Variants in GPR179 observed in about 807,000 individuals in gnomAD.
The protein encoded by GPR179 is G protein-coupled receptor 179.
In GPR179, 52 loss-of-function variants were observed where a neutral mutation model predicts 70.8. The ratio of observed to expected loss-of-function variants is 0.73; its 90% CI spans 0.59 to 0.93. GPR179 has a LOEUF of 0.93. Ranked by LOEUF, GPR179 falls within the 40% of genes least tolerant of loss-of-function variation. The pLI, the probability that GPR179 is intolerant of heterozygous loss-of-function variation, is 0.00. For synonymous variants in GPR179, 1,123 were observed against 1,169.0 expected, an observed-to-expected ratio of 0.96 and a Z score of 0.80; for missense variants, 2,734 against 2,966.8, an observed-to-expected ratio of 0.92 and a Z score of 1.82.
Position 38,329,582 on chromosome 17 carries a change from T to G in GPR179, c.3987A>C (p.Gly1329=), listed in dbSNP as rs759431096. The change falls in exon 11 of 11, where the codon GGA becomes GGC. Residue 1329 remains glycine (G), a synonymous_variant. Transcript: ENST00000616987. The part of the protein sequence containing the change: ...AVCPWESADR[G]GLSPGSAPQD... Reference sequence around the variant, plus strand: ...GAGGAGCTGACCCAGGGGACAGACCTCCTCGATCGGCACTCTCCCAGGGAC... The same window carrying G: ...GAGGAGCTGACCCAGGGGACAGACCGCCTCGATCGGCACTCTCCCAGGGAC... The G allele has an allele frequency of 3.7e-6, 6 of 1,613,668 alleles. No homozygotes were observed. In the African/African-American group the frequency reaches 8.0e-5, roughly 22 times the overall value.
rs776932584 is a variant in GPR179, at chr17:38,331,236, C to T, written c.2333G>A (p.Arg778His). The T allele has an allele frequency of 1.9e-5, 30 of 1,588,230 alleles. No individual in the cohort carries two copies. Among genetic ancestry groups the T allele is most frequent in the East Asian group, 2.3e-5 (1 of 44,012 alleles). ...LHKSRSTYDQRREQDPPLLDS... is the reference protein window; with the variant it reads ...LHKSRSTYDQHREQDPPLLDS... ...AAGAAGAGGCGGGTCCTGCTCCCTG[C>T]GCTGGTCATAGGTGCTGCGGGACTT... is the stretch of plus-strand genomic sequence containing the variant. Residue 778 changes from arginine to histidine, a missense_variant, in exon 11 of 11, where the codon CGC (arginine) becomes CAC (histidine). By Grantham distance (29) the Arg-to-His change is conservative. Coordinates refer to ENST00000616987, the MANE Select transcript of GPR179 (RefSeq NM_001004334.4).
Position 38,333,874 on chromosome 17 carries a change from A to G in GPR179, c.1890+59T>C, listed in dbSNP as rs541529597. ...GAGGGCGCTGCGGGACAACCGCTCC[A>G]CAGTGGCCCTGACAGAGGGGCTGGG... On this transcript the variant is annotated intron_variant, in intron 9 of 10. Coordinates refer to ENST00000616987, the MANE Select transcript of GPR179 (RefSeq NM_001004334.4). 1.3e-5 allele frequency: 17 copies of G among 1,334,604 alleles called. No homozygotes were observed. In the South Asian group the frequency reaches 2.0e-4, roughly 15 times the overall value. The allele number at this position is 1,334,604 out of a possible 1,614,324, so 82.7% of individuals were successfully genotyped here.
chr17:38,336,909 T>C, intron 4 of GPR179, 69 bp downstream of exon 4: 3 of 1,468,594 alleles, frequency 2.0e-6, no homozygotes, highest in South Asian at 1.3e-5. Flanking sequence ...AATTCTGGTC[T>C]TAGGTAGTCT....
rs770213472 is a variant in GPR179 at position 38,330,418 on chromosome 17, C to T, written c.3151G>A (p.Asp1051Asn). Residue 1051 changes from aspartate (D) to asparagine (N), a missense_variant, in exon 11 of 11, where the codon GAT becomes AAT. Transcript: ENST00000616987. ...TTAGCTTCCCTCTGGTGATGTGCAT[C>T]CTCTGCGTCCATCTCATTCTCCCCA... Reference protein sequence around the residue: ...RAGENEMDAEDAHHQREANDV... With the variant: ...RAGENEMDAENAHHQREANDV... 6.9e-6 allele frequency: 11 copies of T among 1,600,562 alleles called. No homozygotes were observed. Among genetic ancestry groups the T allele is most frequent in the Non-Finnish European group, 9.4e-6 (11 of 1,172,038 alleles).
rs754806815 is a variant in GPR179 at position 38,328,181 on chromosome 17, G to A, written c.5388C>T (p.Cys1796=). Residue 1796 remains cysteine, a synonymous_variant, in exon 11 of 11, where the codon TGC becomes TGT. Coordinates refer to ENST00000616987, the MANE Select transcript of GPR179 (RefSeq NM_001004334.4). ...AGFQELDHMG[C]RPGEVCPWEA... ...CCCAGGGACACACTTCACCTGGCCT[G>A]CAGCCCATATGATCCAGTTCCTGGA... The A allele has an allele frequency of 9.9e-6, 16 of 1,613,108 alleles. No homozygotes were observed. In the South Asian group the frequency reaches 1.8e-4, roughly 18 times the overall value.
In GPR179 at chr17:38,334,587, A is replaced by G. The variant is rs1369653946; in HGVS notation, c.1784+117T>C. The G allele has an allele frequency of 6.2e-6, 7 of 1,128,624 alleles. No homozygotes were observed. The East Asian group carries it at 1.5e-4, about 24-fold the overall frequency. 69.9% of individuals were successfully genotyped at this position (1,128,624 alleles called of 1,614,324 possible). A position where few individuals can be genotyped will look rare whatever the true frequency, so the allele number is the denominator to read the frequency against. On this transcript the variant is annotated intron_variant, in intron 8 of 10. Transcript: ENST00000616987. This position sits in a 1 kb window ranked among gnomAD's most constrained non-coding sequence, Gnocchi z 4.7. ...GAGCCAGAAGTGGGGGCCTTCGTCA[A>G]CGTGCTGAGGCGTAGCAGTGTTGCC...
rs1334652563 is a variant in GPR179, at chr17:38,326,546, A to C, written c.7023T>G (p.Thr2341=). Residue 2341 remains threonine, a synonymous_variant, in exon 11 of 11, where the codon ACT becomes ACG. Coordinates refer to ENST00000616987, the MANE Select transcript of GPR179 (RefSeq NM_001004334.4). ...QEAESQSSSL[T]EDSGQVAFEA... ...CAAAAGCCACTTGGCCTGAGTCTTC[A>C]GTTAAGGACGAAGACTGAGACTCAG... is the stretch of plus-strand genomic sequence containing the variant. The C allele has an allele frequency of 6.2e-7, 1 of 1,614,118 alleles. No individual in the cohort carries two copies. The highest frequency in any genetic ancestry group is 1.7e-5 in the Admixed American group (1 of 60,030).
rs574113815 is a variant in GPR179 at position 38,328,789 on chromosome 17, G to C, written c.4780C>G (p.Pro1594Ala). 1.9e-6 allele frequency: 3 copies of C among 1,614,178 alleles called. No individual in the cohort carries two copies. The highest frequency in any genetic ancestry group is 2.2e-5 in the South Asian group (2 of 91,082). The part of the protein sequence containing the change: ...EATPAKTEIC[P>A]WEVNERTREE... ...CTTGTTCTTTCATTTACCTCCCAGG[G>C]ACAGATTTCTGTTTTGGCAGGTGTT... The change falls in exon 11 of 11, where the codon CCC becomes GCC. Residue 1594 changes from proline to alanine, a missense_variant. Pro to Ala is a conservative substitution (Grantham distance 27). Transcript: ENST00000616987.
Position 38,328,894 on chromosome 17 carries a change from T to C in GPR179, c.4675A>G (p.Ser1559Gly). The C allele has an allele frequency of 1.2e-6, 2 of 1,614,072 alleles. No homozygotes were observed. The highest frequency in any genetic ancestry group is 1.7e-6 in the Non-Finnish European group (2 of 1,180,020). ...CLDNSSSKAG[S>G]QFLCNGGSRA... is the part of the protein sequence containing the mutation. ...CTTCCTCCATTGCATAGGAATTGGC[T>C]ACCAGCTTTGGATGAGGAATTGTCT... Residue 1559 changes from serine to glycine, a missense_variant, in exon 11 of 11, where the codon AGC (serine) becomes GGC (glycine). Coordinates refer to ENST00000616987, the MANE Select transcript of GPR179 (RefSeq NM_001004334.4).
rs1407009116 is a variant in GPR179, at chr17:38,330,474, G to A, written c.3095C>T (p.Ala1032Val). The A allele has an allele frequency of 6.4e-7, 1 of 1,556,440 alleles. No homozygotes were observed. The highest frequency in any genetic ancestry group is 1.4e-5 in the African/African-American group (1 of 73,466). The stretch of plus-strand genomic sequence containing the variant: ...GCTTTTCTCTACTGCAACAGAGAGG[G>A]CCCTCCAGAGCCTGGCTCGAGCTGG... ...PAPARARLWR[A>V]LSVAVEKSRA... Residue 1032 changes from alanine to valine, a missense_variant, in exon 11 of 11, where the codon GCC becomes GTC. Physicochemically the swap from Ala to Val is moderately conservative, Grantham distance 64. Coordinates refer to ENST00000616987, the MANE Select transcript of GPR179 (RefSeq NM_001004334.4).
At position 38,335,585 on chromosome 17, in the gene GPR179, C is replaced by T. The variant is rs753932078; in HGVS notation, c.1406+6G>A. The T allele has an allele frequency of 6.3e-7, 1 of 1,598,038 alleles. No homozygotes were observed. The highest frequency in any genetic ancestry group is 8.6e-7 in the Non-Finnish European group (1 of 1,165,442). ...GCATGAGAGCAAAGTCTGCCCCAGG[C>T]CGTACCTGTAAAGCTTGAGTATGAT... On this transcript the variant is annotated splice_donor_region_variant and intron_variant, in intron 6 of 10. Transcript: ENST00000616987.
chr17:38,343,330 G>T lies in GPR179; in HGVS notation c.460C>A (p.Pro154Thr). ...VYRALLTFNP[P>T]PGASHLQLAL... The stretch of plus-strand genomic sequence containing the variant: ...AGCTGTAGGTGGCTGGCCCCTGGTG[G>T]AGGGTTAAAGGTCAGCAAAGCCCTG... The change falls in exon 1 of 11, where the codon CCA becomes ACA. Residue 154 changes from proline to threonine, a missense_variant. Transcript: ENST00000616987. This position sits in a 1 kb window ranked among gnomAD's most constrained non-coding sequence, Gnocchi z 4.2. The T allele has an allele frequency of 6.2e-7, 1 of 1,614,160 alleles. No individual in the cohort carries two copies. Among genetic ancestry groups the T allele is most frequent in the Non-Finnish European group, 8.5e-7 (1 of 1,180,010 alleles).
Position 38,343,729 on chromosome 17 carries a change from C to A in GPR179, c.61G>T (p.Val21Phe), listed in dbSNP as rs150616884. Residue 21 changes from valine (V) to phenylalanine (F), a missense_variant, in exon 1 of 11, where the codon GTC (valine) becomes TTC (phenylalanine). Coordinates refer to ENST00000616987, the MANE Select transcript of GPR179 (RefSeq NM_001004334.4). This position sits in a 1 kb window ranked among gnomAD's most constrained non-coding sequence, Gnocchi z 4.2. Reference sequence around the variant, plus strand: ...GGACCCCCCAGAGCCCAGGCACAGACAAAACAGCAGCCCAGCAGCCCCCAC... The same window carrying A: ...GGACCCCCCAGAGCCCAGGCACAGAAAAAACAGCAGCCCAGCAGCCCCCAC... ...PMWGLLGCCF[V>F]CAWALGGPRP... 2 of 1,563,988 alleles carry A rather than the reference C, an allele frequency of 1.3e-6. No individual in the cohort carries two copies. Among genetic ancestry groups the A allele is most frequent in the Non-Finnish European group, 1.7e-6 (2 of 1,154,002 alleles).
In GPR179 at chr17:38,327,449, G is replaced by A; in HGVS notation, c.6120C>T (p.Asp2040=). The A allele has an allele frequency of 6.2e-7, 1 of 1,614,172 alleles. No individual in the cohort carries two copies. The highest frequency in any genetic ancestry group is 8.5e-7 in the Non-Finnish European group (1 of 1,180,000). The part of the protein sequence containing the change: ...KGVSRQDGKG[D]SQEEKGRAPE... ...GGGCTCTGCCTTTCTCTTCTTGAGA[G>A]TCCCCTTTTCCATCCTGCCTTGACA... The change falls in exon 11 of 11, where the codon GAC becomes GAT. Residue 2040 remains aspartate, a synonymous_variant. Coordinates refer to ENST00000616987, the MANE Select transcript of GPR179 (RefSeq NM_001004334.4).
rs111598392 is a variant in GPR179, at chr17:38,341,358, C to T, written c.794+1638G>A. Among the ~76,000 whole-genome samples the T allele has an allele frequency of 3.3e-3, 502 of 152,318 alleles. 2 individuals carry two copies. Among genetic ancestry groups the T allele is most frequent in the African/African-American group, 0.011 (461 of 41,582 alleles). On this transcript the variant is annotated intron_variant, in intron 1 of 10. Coordinates refer to ENST00000616987, the MANE Select transcript of GPR179 (RefSeq NM_001004334.4). The stretch of plus-strand genomic sequence containing the variant: ...TCACACTTCCTCATGCATGTACACA[C>T]GCACACACACAGAGATCAGCTCAGC...
In GPR179 at chr17:38,342,960, C is replaced by T. The variant is rs1472344571; in HGVS notation, c.794+36G>A. ...ACCTGTACTTCCTTCCCCTACATCC[C>T]CACACATGCATCAAATCCTGCACAA... is the stretch of plus-strand genomic sequence containing the variant. On this transcript the variant is annotated intron_variant, in intron 1 of 10. Coordinates refer to ENST00000616987, the MANE Select transcript of GPR179 (RefSeq NM_001004334.4). 1.9e-6 allele frequency: 3 copies of T among 1,549,964 alleles called. No homozygotes were observed. The East Asian group carries it at 6.8e-5, about 35-fold the overall frequency.
chr17:38,334,255 T>G lies in GPR179; in HGVS notation c.1785-217A>C, dbSNP rs1419628533. ...CCCAGAATACTCCAGCTCACTTTCT[T>G]TGGCTGTGTATAGCACAGACCTGTG... On this transcript the variant is annotated intron_variant, in intron 8 of 10. Coordinates refer to ENST00000616987, the MANE Select transcript of GPR179 (RefSeq NM_001004334.4). The surrounding 1 kb of genome is among the most constrained non-coding windows in gnomAD (Gnocchi z 4.7). Among the ~76,000 whole-genome samples the G allele has an allele frequency of 6.6e-6, 1 of 152,218 alleles. No individual in the cohort carries two copies. Among genetic ancestry groups the G allele is most frequent in the African/African-American group, 2.4e-5 (1 of 41,452 alleles).
At chr17:38,335,412 C>T in intron 6 of GPR179, 141 bp from the exon 7 acceptor site, 1 of 798,694 alleles carries the variant, frequency 1.3e-6, no homozygotes, top group African/African-American at 1.7e-5. Context: ...TGATTTGCTG[C>T]CTTTTGCTAC....
rs971106830 is a variant in GPR179, at chr17:38,326,434, G to C, written c.*31C>G. On this transcript the variant is annotated 3_prime_UTR_variant, in exon 11 of 11. Transcript: ENST00000616987. Reference sequence around the variant, plus strand: ...AAAGGGCCTTGGCTCCTGAAAGCTAGCTCTGTGTTTGACCTCACCTAATAA... The same window carrying C: ...AAAGGGCCTTGGCTCCTGAAAGCTACCTCTGTGTTTGACCTCACCTAATAA... 4 of 1,511,596 alleles carry C rather than the reference G, an allele frequency of 2.6e-6. No individual in the cohort carries two copies. The African/African-American group carries it at 4.2e-5, about 16-fold the overall frequency. The allele number at this position is 1,511,596 out of a possible 1,614,324, so 93.6% of individuals were successfully genotyped here. A position where few individuals can be genotyped will look rare whatever the true frequency, so the allele number is the denominator to read the frequency against.
Sources: gnomAD v4.1 joint callset for allele counts (sites outside exome capture counted in the v4.1 genomes callset) on GRCh38, gnomAD v4.1.1 for gene constraint, Gnocchi (gnomAD v3.1) non-coding constraint, MANE v1.5 for transcripts, NCBI Gene and HGNC (gene_info 2026-07-23, HGNC 2026-07-21) for gene names.